The following WDFY2 variants were observed in gnomAD, a reference collection of about 807,000 sequenced individuals.
The protein encoded by WDFY2 is WD repeat and FYVE domain containing 2.
A neutral mutation model predicts 56.4 loss-of-function variants in WDFY2; 36 were observed. The observed-to-expected ratio is 0.64, with a 90% CI of 0.49 to 0.84. WDFY2 has a LOEUF of 0.84. WDFY2 is among the 40% of genes least tolerant of loss of function. The probability of loss-of-function intolerance (pLI) is 0.00; values close to 1 mark genes in which losing one functional copy is unlikely to be tolerated. For missense variants in WDFY2, 444 were observed against 512.2 expected (o/e 0.87, Z 1.29); for synonymous variants, 176 against 183.7 (o/e 0.96, Z 0.34).
At position 51,760,826 on chromosome 13, in the gene WDFY2, C is replaced by G. The variant is rs1953559240; in HGVS notation, c.*1057C>G. ...GTGAGAATCTGACGCCACCGCTGAT[C>G]TGATGGGAGGCGGAGCCCAGGCAGT... is the stretch of plus-strand genomic sequence containing the variant. On this transcript the variant is annotated 3_prime_UTR_variant, in exon 12 of 12. Transcript: ENST00000298125. 1 of 152,414 alleles carries G rather than the reference C, an allele frequency of 6.6e-6. No individual in the cohort carries two copies. The allele number at this position is 152,414 out of a possible 1,614,324, so 9.4% of individuals were successfully genotyped here.
intron 1 of WDFY2, among the ~76,000 whole-genome samples, chr13:51,597,827 A>C (rs528976104): frequency 6.6e-6 from 1 of 152,372 alleles, no homozygotes; most frequent in East Asian, 1.9e-4. Flanking sequence ...CAGCAGGTAG[A>C]AATAGATACT....
At chr13:51,619,722 C>A (rs1433744601) in intron 1 of WDFY2, among the ~76,000 whole-genome samples, 1 of 152,138 alleles carries the variant, frequency 6.6e-6, no homozygotes, top group African/African-American at 2.4e-5. Flanking sequence ...TCCCCAGAAC[C>A]AGAATAGGTT....
At chr13:51,707,623 C>T (rs1341454373) in intron 4 of WDFY2, among the ~76,000 whole-genome samples, 1 of 151,958 alleles carries the variant, frequency 6.6e-6, no homozygotes, top group Non-Finnish European at 1.5e-5. Context: ...AAAGGAAGTC[C>T]TTCAGGGAAA....
Position 51,761,448 on chromosome 13 carries a change from C to T in WDFY2, c.*1679C>T, listed in dbSNP as rs930611240. ...GCACAGCTCATTCAACCTCACGTGT[C>T]GGGAGCATCAGGGAGCTCACCAGTC... On this transcript the variant is annotated 3_prime_UTR_variant, in exon 12 of 12. Transcript: ENST00000298125. The T allele has an allele frequency of 2.0e-5, 3 of 152,170 alleles. No individual in the cohort carries two copies. Among genetic ancestry groups the T allele is most frequent in the East Asian group, 1.9e-4 (1 of 5,180 alleles). 9.4% of individuals were successfully genotyped at this position (152,170 alleles called of 1,614,324 possible).
chr13:51,755,296 C>A, intron 8 of WDFY2, 62 bp from the exon 9 acceptor site: 1 of 1,475,506 alleles, frequency 6.8e-7, no homozygotes, highest in South Asian at 1.1e-5. Flanking sequence ...TCATCAGGGT[C>A]AGTGGTTTCC....
intron 5 of WDFY2, among the ~76,000 whole-genome samples, chr13:51,724,136 A>G (rs1336169870): frequency 6.6e-6 from 1 of 150,858 alleles, no homozygotes; most frequent in Non-Finnish European, 1.5e-5. Context: ...TGTTCAGTAT[A>G]TATCAATAAA....
intron 8 of WDFY2, among the ~76,000 whole-genome samples, chr13:51,754,124 A>G (rs1953306439): frequency 1.3e-5 from 2 of 150,122 alleles, no homozygotes; most frequent in South Asian, 4.2e-4. Flanking sequence ...TACTTAATTG[A>G]TGTACTGTTA....
chr13:51,733,939 A>G (rs1000449525), intron 6 of WDFY2, among the ~76,000 whole-genome samples: 5 of 152,172 alleles, frequency 3.3e-5, no homozygotes, highest in Non-Finnish European at 7.4e-5. Flanking sequence ...GGATCTCAGG[A>G]AGAAGGTATA....
chr13:51,758,167 C>A, intron 10 of WDFY2, 25 bp from the exon 11 acceptor site: 1 of 1,528,238 alleles, frequency 6.5e-7, no homozygotes, highest in Non-Finnish European at 9.0e-7. Flanking sequence ...CTTTTCCCCT[C>A]AGAAGCTTTC....
At chr13:51,685,798 T>C (rs1956052570) in intron 3 of WDFY2, among the ~76,000 whole-genome samples, 1 of 152,174 alleles carries the variant, frequency 6.6e-6, no homozygotes, top group African/African-American at 2.4e-5. Context: ...TTTCATTGTT[T>C]TCTTTATCTC....
At chr13:51,584,955 A>C in intron 1 of WDFY2, 131 bp downstream of exon 1, 1 of 1,278,820 alleles carries the variant, frequency 7.8e-7, no homozygotes. Context: ...TGTAATGCGC[A>C]TCCTGGTGGT....
At chr13:51,626,361 A>C (rs1180808923) in intron 1 of WDFY2, among the ~76,000 whole-genome samples, 2 of 152,184 alleles carry the variant, frequency 1.3e-5, no homozygotes, top group Non-Finnish European at 2.9e-5. Context: ...CCTTCTCTGT[A>C]AAAGAAGTTT....
chr13:51,707,939 CTTTTTTTTTTTTTTTTTTTTTT>C (rs56054205), intron 4 of WDFY2, among the ~76,000 whole-genome samples: 1 of 57,570 alleles, frequency 1.7e-5, no homozygotes, highest in Non-Finnish European at 3.0e-5. Context: ...CCTAAAACAA[CTTTTTTTTTTTTTTTTTTTTTT>C]TTTTTTTTTT....
At chr13:51,654,986 G>C (rs994685374) in intron 1 of WDFY2, among the ~76,000 whole-genome samples, 1 of 151,994 alleles carries the variant, frequency 6.6e-6, no homozygotes, top group East Asian at 1.9e-4. Flanking sequence ...GTGTTTTGGG[G>C]GCTGTAATTT....
chr13:51,619,453 A>C (rs538046427), intron 1 of WDFY2, among the ~76,000 whole-genome samples: 2 of 152,114 alleles, frequency 1.3e-5, no homozygotes, highest in African/African-American at 4.8e-5. Context: ...AAAACAAAAA[A>C]CAAAAAGCCT....
intron 3 of WDFY2, among the ~76,000 whole-genome samples, chr13:51,695,565 A>G (rs149827776): frequency 0.015 from 2,329 of 152,212 alleles, 49 homozygotes; most frequent in African/African-American, 0.05. Context: ...AGGAGTACCC[A>G]GCTGTGTGAG....
At chr13:51,670,536 CAG>C (rs1289207644) in intron 2 of WDFY2, among the ~76,000 whole-genome samples, 2 of 141,658 alleles carry the variant, frequency 1.4e-5, no homozygotes, top group African/African-American at 2.6e-5. Flanking sequence ...CACACACACA[CAG>C]ATGTTTGCCT....
chr13:51,621,134 A>G (rs1381272867), intron 1 of WDFY2, among the ~76,000 whole-genome samples: 1 of 152,178 alleles, frequency 6.6e-6, no homozygotes. Context: ...GCTGTAGTAC[A>G]AGCCTTTCCT....
chr13:51,688,842 A>G (rs1173290236), intron 3 of WDFY2, among the ~76,000 whole-genome samples: 1 of 152,190 alleles, frequency 6.6e-6, no homozygotes, highest in Non-Finnish European at 1.5e-5. Flanking sequence ...AATAAATATC[A>G]GCAACTAAAC....
Sources: allele counts gnomAD v4.1 joint callset (sites outside exome capture counted in the v4.1 genomes callset), GRCh38; gene constraint gnomAD v4.1.1; transcripts MANE v1.5; gene names NCBI Gene and HGNC (gene_info 2026-07-23, HGNC 2026-07-21).